GRHL2: variants seen among roughly 807,000 people sequenced by gnomAD.
The protein encoded by GRHL2 is grainyhead like transcription factor 2, also known as grainyhead-like protein 2 homolog.
In GRHL2, 21 loss-of-function variants were observed where a neutral mutation model predicts 83.8. That is an observed-to-expected ratio of 0.25 (90% confidence interval 0.18 to 0.36). The LOEUF (loss-of-function observed/expected upper bound fraction) is 0.36. Ranked by LOEUF, GRHL2 falls within the 10% of genes least tolerant of loss-of-function variation. The probability of loss-of-function intolerance (pLI) is 1.00; values close to 1 mark genes in which losing one functional copy is unlikely to be tolerated. For synonymous variants in GRHL2, 280 were observed against 278.9 expected, an observed-to-expected ratio of 1.00 and a Z score of -0.04; for missense variants, 623 against 781.8, an observed-to-expected ratio of 0.80 and a Z score of 2.42.
At chr8:101,655,689 T>C (rs1813770377) in intron 14 of GRHL2, among the ~76,000 whole-genome samples, 1 of 152,244 alleles carries the variant, frequency 6.6e-6, no homozygotes, top group African/African-American at 2.4e-5. Context: ...ATTTTTCTTT[T>C]CATTTGCATA....
chr8:101,590,314 A>G (rs1812253172), intron 7 of GRHL2, among the ~76,000 whole-genome samples: 1 of 152,178 alleles, frequency 6.6e-6, no homozygotes, highest in South Asian at 2.1e-4. Context: ...GATTTTGAAA[A>G]CAGACAAAAA....
chr8:101,557,934 G>C (rs905236446), intron 3 of GRHL2, among the ~76,000 whole-genome samples: 1 of 152,054 alleles, frequency 6.6e-6, no homozygotes, highest in Non-Finnish European at 1.5e-5. Flanking sequence ...GCGCCATCTC[G>C]ACTCACCACA....
chr8:101,587,811 C>T (rs1028481023), intron 7 of GRHL2, among the ~76,000 whole-genome samples: 3 of 152,140 alleles, frequency 2.0e-5, no homozygotes, highest in African/African-American at 7.2e-5. Flanking sequence ...AACTATAGAG[C>T]CGGTCTATTC....
chr8:101,652,341 A>ATGTGTGTGTGTGG lies in GRHL2; in HGVS notation c.1698+2850_1698+2851insTGTGGTGTGTGTG, dbSNP rs761073289. 4.1e-5 allele frequency among the ~76,000 whole-genome samples: 3 copies of ATGTGTGTGTGTGG among 73,912 alleles called. 1 individual carries two copies. The highest frequency in any genetic ancestry group is 3.9e-4 in the South Asian group (1 of 2,542). The allele number at this position is 73,912 out of a possible 152,430, so 48.5% of individuals were successfully genotyped here. ...GTGCGTGTGTGTGTGGTGTGTGTGT[A>ATGTGTGTGTGTGG]TGTGTGTGGTGTGTGTGGTGTGTGT... On this transcript the variant is annotated intron_variant, in intron 14 of 15. Transcript: ENST00000646743.
intron 1 of GRHL2, among the ~76,000 whole-genome samples, chr8:101,517,600 G>C (rs987976668): frequency 6.6e-6 from 1 of 152,260 alleles, no homozygotes; most frequent in Non-Finnish European, 1.5e-5. Context: ...CAGTTGTTGG[G>C]GAGTCTGTGT....
intron 6 of GRHL2, among the ~76,000 whole-genome samples, chr8:101,576,220 G>A (rs1811930282): frequency 6.6e-6 from 1 of 152,040 alleles, no homozygotes; most frequent in Admixed American, 6.6e-5. Context: ...TTTGGTTTTG[G>A]TTTTGGTTTT....
chr8:101,492,857 A>G (rs1809993530), intron 1 of GRHL2, 68 bp downstream of exon 1: 2 of 1,464,038 alleles, frequency 1.4e-6, no homozygotes, highest in Non-Finnish European at 1.9e-6. Flanking sequence ...CTGGTTTGTT[A>G]TGTTTTTGTT....
intron 14 of GRHL2, among the ~76,000 whole-genome samples, chr8:101,652,249 T>C (rs906990337): frequency 6.6e-6 from 1 of 151,996 alleles, no homozygotes; most frequent in African/African-American, 2.4e-5. Context: ...GTGTATAATA[T>C]AAATATACAC....
At position 101,558,552 on chromosome 8, in the gene GRHL2, A is replaced by G. The variant is rs1811535126; in HGVS notation, c.418A>G (p.Ser140Gly). 2 of 1,614,042 alleles carry G rather than the reference A, an allele frequency of 1.2e-6. No homozygotes were observed. The highest frequency in any genetic ancestry group is 1.3e-5 in the African/African-American group (1 of 74,924). The change falls in exon 4 of 16, where the codon AGC becomes GGC. Residue 140 changes from serine (S) to glycine (G), a missense_variant. Transcript: ENST00000646743. ...HLENSKREQY[S>G]ISFPESSAII... The stretch of plus-strand genomic sequence containing the variant: ...GGAGAATTCCAAGCGGGAACAGTAC[A>G]GCATCAGCTTCCCCGAGAGCTCTGC...
chr8:101,558,755 C>A lies in GRHL2; in HGVS notation c.621C>A (p.Asp207Glu). The change falls in exon 4 of 16, where the codon GAC (aspartate) becomes GAA (glutamate). Residue 207 changes from aspartate (D) to glutamate (E), a missense_variant. This residue lies in a region of GRHL2 where 239 missense variants were observed against 240.5 expected (regional missense o/e 0.99). Transcript: ENST00000646743. Reference sequence around the variant, plus strand: ...CCCACAGCGCCTATCTCAAAGACGACCAGCGCAGCACTCCGGACAGCACAT... The same window carrying A: ...CCCACAGCGCCTATCTCAAAGACGAACAGCGCAGCACTCCGGACAGCACAT... ...LATHSAYLKD[D>E]QRSTPDSTYS... The A allele has an allele frequency of 6.2e-7, 1 of 1,614,146 alleles. No homozygotes were observed. Among genetic ancestry groups the A allele is most frequent in the Non-Finnish European group, 8.5e-7 (1 of 1,180,030 alleles).
chr8:101,651,407 C>T (rs545304544), intron 14 of GRHL2, among the ~76,000 whole-genome samples: 22 of 152,218 alleles, frequency 1.4e-4, no homozygotes, highest in African/African-American at 3.1e-4. Context: ...ATATTTTTAA[C>T]GAGCTCCTGA....
chr8:101,575,222 C>T (rs911413477), intron 6 of GRHL2, among the ~76,000 whole-genome samples: 2 of 150,906 alleles, frequency 1.3e-5, no homozygotes, highest in East Asian at 3.9e-4. Context: ...TTTTTTTAAG[C>T]CTTATAAATT....
intron 9 of GRHL2, 145 bp downstream of exon 9, chr8:101,619,842 T>A: frequency 1.6e-6 from 1 of 630,916 alleles, no homozygotes; most frequent in South Asian, 2.1e-5. Context: ...AATCTTCTAT[T>A]CTCAGTTCCT....
In GRHL2 at chr8:101,543,449, C is replaced by A. The variant is rs776923689; in HGVS notation, c.216+13C>A. ...TGACTACTACAAGGTAGGTCCCCAG[C>A]CTCCACTTTTCTCTTCTTCCTGCTC... is the stretch of plus-strand genomic sequence containing the variant. On this transcript the variant is annotated intron_variant, in intron 2 of 15. Transcript: ENST00000646743. 2 of 1,612,550 alleles carry A rather than the reference C, an allele frequency of 1.2e-6. No individual in the cohort carries two copies. The highest frequency in any genetic ancestry group is 1.7e-6 in the Non-Finnish European group (2 of 1,178,638).
intron 8 of GRHL2, among the ~76,000 whole-genome samples, chr8:101,614,437 T>C (rs1812814222): frequency 6.6e-6 from 1 of 151,132 alleles, no homozygotes; most frequent in East Asian, 1.9e-4. Context: ...GGAAAACAAG[T>C]AAGAGAGGTT....
rs1178449180 is a variant in GRHL2, at chr8:101,667,143, C to T, written c.*440C>T. On this transcript the variant is annotated 3_prime_UTR_variant, in exon 16 of 16. Coordinates refer to ENST00000646743, the MANE Select transcript of GRHL2 (RefSeq NM_024915.4). ...CCGAGTGGCTGGACAAAATGAGCTA[C>T]GTCTGGGTGCAGTAGTTATAGGTGG... The T allele has an allele frequency of 3.5e-5, 9 of 258,994 alleles. No individual in the cohort carries two copies. The highest frequency in any genetic ancestry group is 8.5e-5 in the East Asian group (1 of 11,824). The allele number at this position is 258,994 out of a possible 1,614,324, so 16.0% of individuals were successfully genotyped here.
chr8:101,584,953 G>A (rs1246183534), intron 7 of GRHL2, among the ~76,000 whole-genome samples: 2 of 151,936 alleles, frequency 1.3e-5, no homozygotes, highest in African/African-American at 4.8e-5. Context: ...GTAGTCAGGT[G>A]GTCAGTTGGC....
intron 4 of GRHL2, among the ~76,000 whole-genome samples, chr8:101,564,174 G>A (rs1309206527): frequency 3.3e-5 from 5 of 152,140 alleles, no homozygotes; most frequent in African/African-American, 1.2e-4. Flanking sequence ...TTGGAAATCA[G>A]TGTTTACATG....
intron 14 of GRHL2, among the ~76,000 whole-genome samples, chr8:101,657,799 C>T (rs1813827675): frequency 6.7e-6 from 1 of 149,076 alleles, no homozygotes; most frequent in South Asian, 2.1e-4. Context: ...GAGATCCCGC[C>T]ACTGCACTCT....
Sources: allele counts gnomAD v4.1 joint callset (sites outside exome capture counted in the v4.1 genomes callset), GRCh38; gene constraint gnomAD v4.1.1; regional missense constraint gnomAD v4.1.1; transcripts MANE v1.5; gene names NCBI Gene and HGNC (gene_info 2026-07-23, HGNC 2026-07-21).